TAFA1: variants seen among roughly 807,000 people sequenced by gnomAD.
The protein encoded by TAFA1 is TAFA chemokine like family member 1.
Under a neutral mutation model 18.5 loss-of-function variants are expected in TAFA1, and 4 were observed. The observed-to-expected ratio is 0.22, with a 90% CI of 0.11 to 0.49. The LOEUF is 0.49. TAFA1 is among the 20% of genes least tolerant of loss of function. The probability of loss-of-function intolerance (pLI) is 0.98; values close to 1 mark genes in which losing one functional copy is unlikely to be tolerated. For missense variants in TAFA1, 147 were observed against 169.0 expected (o/e 0.87, Z 0.72); for synonymous variants, 56 against 55.2 (o/e 1.01, Z -0.06).
chr3:68,370,286 C>CA (rs71618234), intron 2 of TAFA1, among the ~76,000 whole-genome samples: 1 of 10,854 alleles, frequency 9.2e-5, no homozygotes, highest in Non-Finnish European at 1.4e-4. Flanking sequence ...GACCCCATCT[C>CA]AAAAAAAAAA....
At chr3:68,286,239 T>TA (rs201419098) in intron 2 of TAFA1, among the ~76,000 whole-genome samples, 4 of 150,654 alleles carry the variant, frequency 2.7e-5, no homozygotes, top group South Asian at 2.1e-4. Context: ...ATAACAAATT[T>TA]AAAAAAATTT....
intron 3 of TAFA1, among the ~76,000 whole-genome samples, chr3:68,513,162 G>A (rs2072874619): frequency 6.6e-6 from 1 of 152,128 alleles, no homozygotes; most frequent in Non-Finnish European, 1.5e-5. Context: ...TGCCTCCAGA[G>A]TGGTGAACAT....
intron 2 of TAFA1, among the ~76,000 whole-genome samples, chr3:68,041,324 A>G (rs1705160119): frequency 6.6e-6 from 1 of 152,238 alleles, no homozygotes. Flanking sequence ...ACCAAAATTC[A>G]GTTTTTGTAC....
At chr3:68,437,081 T>C (rs2071278801) in intron 3 of TAFA1, among the ~76,000 whole-genome samples, 2 of 152,062 alleles carry the variant, frequency 1.3e-5, no homozygotes, top group Non-Finnish European at 2.9e-5. Flanking sequence ...GAAATGAGGA[T>C]GAGATGTTTA....
rs5849840 is a variant in TAFA1, at chr3:68,461,360, C to CATATATATATATAT, written c.259+43947_259+43960dup. ...GAAGGAACCCAGGCCAATGAAAGTG[C>CATATATATATATAT]ATATATATATATATATATATGTATG... On this transcript the variant is annotated intron_variant, in intron 3 of 4. Coordinates refer to ENST00000478136, the MANE Select transcript of TAFA1 (RefSeq NM_213609.4). 8.1e-3 allele frequency among the ~76,000 whole-genome samples: 865 copies of CATATATATATATAT among 106,464 alleles called. 17 individuals carry two copies. Among genetic ancestry groups the CATATATATATATAT allele is most frequent in the East Asian group, 0.036 (88 of 2,418 alleles). 69.8% of individuals were successfully genotyped at this position (106,464 alleles called of 152,430 possible).
intron 2 of TAFA1, among the ~76,000 whole-genome samples, chr3:68,090,198 A>G (rs552209149): frequency 1.3e-5 from 2 of 152,324 alleles, no homozygotes; most frequent in East Asian, 3.9e-4. Context: ...TCTCCAACAC[A>G]TAAAACAAAC....
chr3:68,461,951 T>TG (rs1350550373), intron 3 of TAFA1, among the ~76,000 whole-genome samples: 4 of 152,038 alleles, frequency 2.6e-5, no homozygotes, highest in Non-Finnish European at 4.4e-5. Flanking sequence ...TTAGGAAAAG[T>TG]GGGGGGAAAA....
chr3:68,366,550 C>A (rs1445317309), intron 2 of TAFA1, among the ~76,000 whole-genome samples: 1 of 152,064 alleles, frequency 6.6e-6, no homozygotes, highest in Non-Finnish European at 1.5e-5. Flanking sequence ...ATGTAAAGAA[C>A]CATGAAGTAG....
At chr3:68,297,764 T>C (rs1359880266) in intron 2 of TAFA1, among the ~76,000 whole-genome samples, 1 of 152,094 alleles carries the variant, frequency 6.6e-6, no homozygotes, top group Admixed American at 6.5e-5. Context: ...TTTGGGGTCT[T>C]CTGTATTAAG....
intron 2 of TAFA1, among the ~76,000 whole-genome samples, chr3:68,269,447 G>T (rs964437281): frequency 1.2e-4 from 18 of 152,180 alleles, no homozygotes; most frequent in Non-Finnish European, 2.5e-4. Flanking sequence ...AAGCCTGGGG[G>T]ATAGTGTGAG....
At chr3:67,999,848 T>C (rs1704265589), upstream of TAFA1, among the ~76,000 whole-genome samples, 1 of 151,456 alleles carries the variant, frequency 6.6e-6, no homozygotes, top group Non-Finnish European at 1.5e-5. Flanking sequence ...TGGAGTGCAA[T>C]GGTGATCTCG....
At chr3:68,315,813 G>A (rs1490369360) in intron 2 of TAFA1, among the ~76,000 whole-genome samples, 1 of 152,146 alleles carries the variant, frequency 6.6e-6, no homozygotes, top group East Asian at 1.9e-4. Context: ...TACTTGGGCT[G>A]CTATATATGG....
chr3:68,109,268 A>G (rs2065238007), intron 2 of TAFA1, among the ~76,000 whole-genome samples: 1 of 152,106 alleles, frequency 6.6e-6, no homozygotes, highest in Non-Finnish European at 1.5e-5. Flanking sequence ...AGAAAATTAG[A>G]TTGCCATAGG....
At chr3:68,308,373 GCTA>G (rs1043769066) in intron 2 of TAFA1, among the ~76,000 whole-genome samples, 1 of 152,030 alleles carries the variant, frequency 6.6e-6, no homozygotes, top group African/African-American at 2.4e-5. Flanking sequence ...AAACACTTTT[GCTA>G]CTACTATTTC....
At chr3:68,288,052 TG>T (rs937954278) in intron 2 of TAFA1, among the ~76,000 whole-genome samples, 12 of 151,868 alleles carry the variant, frequency 7.9e-5, no homozygotes, top group Non-Finnish European at 1.5e-4. Context: ...GCGCTTTCCT[TG>T]GGTTCCGAAG....
At chr3:68,012,360 A>G (rs958836873) in intron 2 of TAFA1, among the ~76,000 whole-genome samples, 1 of 152,164 alleles carries the variant, frequency 6.6e-6, no homozygotes, top group Non-Finnish European at 1.5e-5. Context: ...TCAAAAGGGG[A>G]TTGGTAAAAT....
chr3:68,094,392 C>G (rs1006761642), intron 2 of TAFA1, among the ~76,000 whole-genome samples: 18 of 152,046 alleles, frequency 1.2e-4, no homozygotes, highest in African/African-American at 4.3e-4. Context: ...GGCTCTTAGT[C>G]TATTATATTC....
chr3:68,161,906 C>T (rs1054432921), intron 2 of TAFA1, among the ~76,000 whole-genome samples: 2 of 152,158 alleles, frequency 1.3e-5, no homozygotes, highest in African/African-American at 2.4e-5. Context: ...AACTGGCCCA[C>T]CACCAGTTTT....
At chr3:68,425,416 C>T (rs899125353) in intron 3 of TAFA1, among the ~76,000 whole-genome samples, 1 of 151,902 alleles carries the variant, frequency 6.6e-6, no homozygotes, top group African/African-American at 2.4e-5. Flanking sequence ...TATCAGAAGA[C>T]ATTTATAAAG....
Sources: allele counts gnomAD v4.1 joint callset (sites outside exome capture counted in the v4.1 genomes callset), GRCh38; gene constraint gnomAD v4.1.1; transcripts MANE v1.5; gene names NCBI Gene and HGNC (gene_info 2026-07-23, HGNC 2026-07-21).